LHX9: variants seen among roughly 807,000 people sequenced by gnomAD.
LHX9 encodes the protein LIM/homeobox protein Lhx9.
Under a neutral mutation model 36.5 loss-of-function variants are expected in LHX9, and 9 were observed. The ratio of observed to expected loss-of-function variants is 0.25; its 90% CI spans 0.15 to 0.43. The LOEUF (loss-of-function observed/expected upper bound fraction) is 0.43. LHX9 is among the 20% of genes least tolerant of loss of function. LHX9 has a pLI of 1.00. For synonymous variants in LHX9, 211 were observed against 212.1 expected, an observed-to-expected ratio of 0.99 and a Z score of 0.04; for missense variants, 464 against 526.4, an observed-to-expected ratio of 0.88 and a Z score of 1.16.
At position 197,917,532 on chromosome 1, in the gene LHX9, C is replaced by G. The variant is rs767300150; in HGVS notation, c.-292C>G. The G allele has an allele frequency of 6.9e-7, 1 of 1,440,592 alleles. No homozygotes were observed. Among genetic ancestry groups the G allele is most frequent in the South Asian group, 1.2e-5 (1 of 82,006 alleles). 89.2% of individuals were successfully genotyped at this position (1,440,592 alleles called of 1,614,324 possible). A position where few individuals can be genotyped will look rare whatever the true frequency, so the allele number is the denominator to read the frequency against. On this transcript the variant is annotated 5_prime_UTR_variant, in exon 1 of 5. The change creates a new upstream start codon in the 5' untranslated region. Transcript: ENST00000367387. ...AGTTGTTTCCCATTAGTAACTCGATCTCTCAGAGCAGTAAGATTCGCCTTC... is the reference window on the plus strand; with the variant it reads ...AGTTGTTTCCCATTAGTAACTCGATGTCTCAGAGCAGTAAGATTCGCCTTC...
chr1:197,918,013 G>A lies in LHX9; in HGVS notation c.174+16G>A. On this transcript the variant is annotated intron_variant, in intron 1 of 4. Coordinates refer to ENST00000367387, the MANE Select transcript of LHX9 (RefSeq NM_020204.3). ...CCGCGACGCGGTAAGGAAGGGCTCC[G>A]CCGCGGCGGTAGCCGGGCACCCCTG... 6.2e-7 allele frequency: 1 copy of A among 1,604,408 alleles called. No individual in the cohort carries two copies.
chr1:197,917,032 G>T (rs1421485322), upstream of LHX9, among the ~76,000 whole-genome samples: 4 of 152,166 alleles, frequency 2.6e-5, no homozygotes, highest in African/African-American at 9.7e-5. Context: ...CAACAGGGCG[G>T]GGACAACAAG....
At chr1:197,913,522 CATGG>C (rs1455857874), upstream of LHX9, among the ~76,000 whole-genome samples, 10 of 152,180 alleles carry the variant, frequency 6.6e-5, no homozygotes, top group Admixed American at 6.5e-4. Context: ...AAATTTTCCA[CATGG>C]AGTATCTCAG....
chr1:197,922,741 T>C (rs1329611000), intron 3 of LHX9, among the ~76,000 whole-genome samples: 1 of 152,088 alleles, frequency 6.6e-6, no homozygotes, highest in Non-Finnish European at 1.5e-5. Flanking sequence ...GGGGAGACCA[T>C]TCTGTTGGAA....
upstream of LHX9, chr1:197,917,130 G>A (rs757908677): frequency 3.0e-5 from 12 of 401,128 alleles, no homozygotes; most frequent in Non-Finnish European, 3.3e-5. Context: ...GCGCGCGCGC[G>A]TGTGTGTGTT....
upstream of LHX9, chr1:197,916,048 G>A (rs1557969675): frequency 1.3e-5 from 2 of 152,318 alleles, no homozygotes; most frequent in Non-Finnish European, 2.9e-5. Context: ...GGGAAGTAGT[G>A]GGGAACGCAG....
At position 197,929,501 on chromosome 1, in the gene LHX9, A is replaced by G. The variant is rs1660265444; in HGVS notation, c.*242A>G. ...GTATTTGGATTTAAAAAAATTAATT[A>G]GGTCTTTCAGTTGGTAAGGAGAGTT... On this transcript the variant is annotated 3_prime_UTR_variant, in exon 5 of 5. Coordinates refer to ENST00000367387, the MANE Select transcript of LHX9 (RefSeq NM_020204.3). The G allele has an allele frequency of 2.0e-6, 2 of 986,226 alleles. No individual in the cohort carries two copies. The highest frequency in any genetic ancestry group is 4.8e-5 in the South Asian group (1 of 20,804). The allele number at this position is 986,226 out of a possible 1,614,324, so 61.1% of individuals were successfully genotyped here.
Position 197,920,290 on chromosome 1 carries a change from A to G in LHX9, c.377+116A>G, listed in dbSNP as rs1359253264. The stretch of plus-strand genomic sequence containing the variant: ...TTGCCCCATTCCGGGTGCTGTTATC[A>G]TTTCGGAGACCAGGCAAACCCACTG... On this transcript the variant is annotated intron_variant, in intron 2 of 4. Coordinates refer to ENST00000367387, the MANE Select transcript of LHX9 (RefSeq NM_020204.3). 4.1e-6 allele frequency: 3 copies of G among 725,638 alleles called. No individual in the cohort carries two copies. In the South Asian group the frequency reaches 4.6e-5, roughly 11 times the overall value. The allele number at this position is 725,638 out of a possible 1,614,324, so 44.9% of individuals were successfully genotyped here.
chr1:197,928,889 A>G (rs1279731074), intron 4 of LHX9, 113 bp from the exon 5 acceptor site: 6 of 1,080,236 alleles, frequency 5.6e-6, no homozygotes, highest in Non-Finnish European at 7.3e-6. Flanking sequence ...GGAGAAACCT[A>G]TATCAAAAAA....
chr1:197,928,902 AAAAGAAAGAAAG>A, intron 4 of LHX9, 88 bp from the exon 5 acceptor site: 2 of 1,349,448 alleles, frequency 1.5e-6, no homozygotes, highest in Non-Finnish European at 9.7e-7. Context: ...TCAAAAAAAA[AAAAGAAAGAAAG>A]AAAAAGAAAA....
At chr1:197,919,861 C>T in intron 1 of LHX9, 111 bp from the exon 2 acceptor site, 1 of 1,030,164 alleles carries the variant, frequency 9.7e-7, no homozygotes, top group Non-Finnish European at 1.4e-6. Context: ...TGGACCCTGG[C>T]CCCTGCCGCT....
upstream of LHX9, among the ~76,000 whole-genome samples, chr1:197,913,969 C>T (rs1361406659): frequency 6.6e-6 from 1 of 152,188 alleles, no homozygotes; most frequent in Non-Finnish European, 1.5e-5. Context: ...GGGAATTCTA[C>T]TGGGCTCGGG....
chr1:197,928,968 A>G (rs1660236098), intron 4 of LHX9, 34 bp from the exon 5 acceptor site: 1 of 1,480,140 alleles, frequency 6.8e-7, no homozygotes, highest in African/African-American at 1.4e-5. Context: ...AAAAATGAAC[A>G]TCGGTAAAGA....
At chr1:197,916,745 CAAG>C, upstream of LHX9, 1 of 702,914 alleles carries the variant, frequency 1.4e-6, no homozygotes, top group Non-Finnish European at 2.6e-6. Flanking sequence ...CTCCGGCCCT[CAAG>C]AAGGTGAGGC....
intron 1 of LHX9, chr1:197,918,365 CA>C: frequency 1.4e-6 from 1 of 717,402 alleles, no homozygotes. Context: ...TGGGCATAAG[CA>C]ATAGGAGGAC....
chr1:197,918,137 G>T, intron 1 of LHX9, 140 bp downstream of exon 1: 4 of 864,054 alleles, frequency 4.6e-6, no homozygotes, highest in Non-Finnish European at 7.2e-6. Context: ...GTTTTCTCCC[G>T]TCCACCTATG....
upstream of LHX9, among the ~76,000 whole-genome samples, chr1:197,913,877 A>C (rs1413534137): frequency 6.6e-6 from 1 of 152,322 alleles, no homozygotes; most frequent in African/African-American, 2.4e-5. Flanking sequence ...CTTTGCTCTC[A>C]AAATATGCAC....
At chr1:197,919,943 C>T in intron 1 of LHX9, 29 bp from the exon 2 acceptor site, 1 of 1,610,578 alleles carries the variant, frequency 6.2e-7, no homozygotes, top group South Asian at 1.1e-5. Context: ...GCGCGCCCTC[C>T]TCAGCCTTGC....
At chr1:197,926,064 C>T (rs1252488259) in intron 3 of LHX9, among the ~76,000 whole-genome samples, 2 of 152,212 alleles carry the variant, frequency 1.3e-5, no homozygotes, top group Non-Finnish European at 2.9e-5. Context: ...AGTCTTTTTA[C>T]ATTAGGAAGA....
Sources: allele counts gnomAD v4.1 joint callset (sites outside exome capture counted in the v4.1 genomes callset), GRCh38; gene constraint gnomAD v4.1.1; transcripts MANE v1.5; gene names NCBI Gene and HGNC (gene_info 2026-07-23, HGNC 2026-07-21).